Variants in CCHCR1 observed in about 807,000 individuals in gnomAD.
CCHCR1 encodes the protein coiled-coil alpha-helical rod protein 1, also known as HCR (a-helix coiled-coil rod homologue).
A neutral mutation model predicts 114.6 loss-of-function variants in CCHCR1; 91 were observed. The observed-to-expected ratio is 0.79, with a 90% CI of 0.67 to 0.94. The LOEUF is 0.94. Ranked by LOEUF, CCHCR1 falls within the 40% of genes least tolerant of loss-of-function variation. The pLI is 0.00. For synonymous variants in CCHCR1, 379 were observed against 428.5 expected, an observed-to-expected ratio of 0.88 and a Z score of 1.43; for missense variants, 899 against 1,079.9, an observed-to-expected ratio of 0.83 and a Z score of 2.35.
In CCHCR1 at chr6:31,150,021, C is replaced by A; in HGVS notation, c.1362+45G>T. 1 of 1,603,170 alleles carries A rather than the reference C, an allele frequency of 6.2e-7. No homozygotes were observed. The highest frequency in any genetic ancestry group is 8.5e-7 in the Non-Finnish European group (1 of 1,171,206). On this transcript the variant is annotated intron_variant, in intron 8 of 17. Coordinates refer to ENST00000396268, the MANE Select transcript of CCHCR1 (RefSeq NM_001105564.2). The surrounding 1 kb of genome is among the most constrained non-coding windows in gnomAD (Gnocchi z 5.3). ...ATGGATGCCACCTTCATGGAAGGAGCAAGGTGCTGGGAGGGAATACCGGGA... is the reference window on the plus strand; with the variant it reads ...ATGGATGCCACCTTCATGGAAGGAGAAAGGTGCTGGGAGGGAATACCGGGA...
In CCHCR1 at chr6:31,156,910, T is replaced by C; in HGVS notation, c.318A>G (p.Gln106=). 1.9e-6 allele frequency: 3 copies of C among 1,612,852 alleles called. No homozygotes were observed. The highest frequency in any genetic ancestry group is 1.1e-5 in the South Asian group (1 of 91,076). ...STGLIPPSHF[Q]ARPLSTLPRM... ...TTGGCAGAGTTGAAAGGGGCCGAGC[T>C]TGAAAGTGGGAGGGGGGAATCAGCC... Residue 106 remains glutamine (Q), a synonymous_variant, in exon 3 of 18, where the codon CAA becomes CAG. Coordinates refer to ENST00000396268, the MANE Select transcript of CCHCR1 (RefSeq NM_001105564.2).
Position 31,142,675 on chromosome 6 carries a change from C to T in CCHCR1, c.2533G>A (p.Glu845Lys). The T allele has an allele frequency of 1.9e-6, 3 of 1,613,214 alleles. No individual in the cohort carries two copies. Among genetic ancestry groups the T allele is most frequent in the Non-Finnish European group, 2.5e-6 (3 of 1,179,978 alleles). The stretch of plus-strand genomic sequence containing the variant: ...ACAGCTTCCTCTTTGGAAATGGCTT[C>T]ACTCAGGTCCTGCAGGTCATCGAGC... The part of the protein sequence containing the change: ...VLLDDLQDLS[E>K]AISKEEAVCQ... The change falls in exon 18 of 18, where the codon GAA becomes AAA. Residue 845 changes from glutamate to lysine, a missense_variant. Glu to Lys is a moderately conservative substitution (Grantham distance 56). Transcript: ENST00000396268.
intron 10 of CCHCR1, 95 bp from the exon 11 acceptor site, chr6:31,145,903 C>G: frequency 1.4e-6 from 1 of 740,580 alleles, no homozygotes; most frequent in South Asian, 1.5e-5. Context: ...AATCCTGTCC[C>G]ATTATACAAG....
intron 10 of CCHCR1, among the ~76,000 whole-genome samples, chr6:31,147,895 C>T (rs952916808): frequency 6.6e-6 from 1 of 152,030 alleles, no homozygotes; most frequent in African/African-American, 2.4e-5. Context: ...AGGAGAATCA[C>T]TTGAACCAGG....
Position 31,143,006 on chromosome 6 carries a change from A to T in CCHCR1, c.2448T>A (p.Ser816=). Residue 816 remains serine, a synonymous_variant, in exon 17 of 18, where the codon TCT becomes TCA. Coordinates refer to ENST00000396268, the MANE Select transcript of CCHCR1 (RefSeq NM_001105564.2). The surrounding 1 kb of genome is among the most constrained non-coding windows in gnomAD (Gnocchi z 5.3). ...TGGGCACTGCTGCTGCTACAGGTGC[A>T]GATGCTGAACACTCTGGAGGCCTGG... ...SSPRPPECSA[S]APVAAAVPTR... 1 of 1,613,072 alleles carries T rather than the reference A, an allele frequency of 6.2e-7. No individual in the cohort carries two copies. Among genetic ancestry groups the T allele is most frequent in the South Asian group, 1.1e-5 (1 of 91,088 alleles).
At chr6:31,147,342 G>A (rs1163505437) in intron 10 of CCHCR1, among the ~76,000 whole-genome samples, 3 of 149,440 alleles carry the variant, frequency 2.0e-5, no homozygotes, top group Non-Finnish European at 4.4e-5. Context: ...AGAGGTTGCA[G>A]TGAGCTGAGA....
chr6:31,150,887 C>T lies in CCHCR1; in HGVS notation c.966-27G>A. 1 of 1,611,614 alleles carries T rather than the reference C, an allele frequency of 6.2e-7. No individual in the cohort carries two copies. Among genetic ancestry groups the T allele is most frequent in the Non-Finnish European group, 8.5e-7 (1 of 1,179,224 alleles). ...TAGGGTTGGGGTGGGAATGGGACAG[C>T]CATCAGTGGGGCGCCCTGCAGATCC... On this transcript the variant is annotated intron_variant, in intron 5 of 17. Transcript: ENST00000396268. The surrounding 1 kb of genome is among the most constrained non-coding windows in gnomAD (Gnocchi z 5.3).
At position 31,145,046 on chromosome 6, in the gene CCHCR1, T is replaced by C. The variant is rs2073720; in HGVS notation, c.1904A>G (p.Lys635Arg). The C allele has an allele frequency of 0.012, 18,624 of 1,602,984 alleles. 572 individuals carry two copies. The highest frequency in any genetic ancestry group is 0.1 in the East Asian group (4,706 of 44,832). ...CTCCTGCTCCAGCTGCTGGGCCACCTTGCTCAGCTGCTGCCGCTCTGCCTC... is the reference window on the plus strand; with the variant it reads ...CTCCTGCTCCAGCTGCTGGGCCACCCTGCTCAGCTGCTGCCGCTCTGCCTC... Reference protein sequence around the residue: ...QGEAERQQLSKVAQQLEQELQ... With the variant: ...QGEAERQQLSRVAQQLEQELQ... Residue 635 changes from lysine to arginine, a missense_variant, in exon 14 of 18, where the codon AAG becomes AGG. Transcript: ENST00000396268.
rs756823571 is a variant in CCHCR1, at chr6:31,143,300, G to A, written c.2281C>T (p.Arg761Cys). Residue 761 changes from arginine (R) to cysteine (C), a missense_variant, in exon 16 of 18, where the codon CGC becomes TGC. Coordinates refer to ENST00000396268, the MANE Select transcript of CCHCR1 (RefSeq NM_001105564.2). The surrounding 1 kb of genome is among the most constrained non-coding windows in gnomAD (Gnocchi z 5.3). ...TTATCCCTCTCTAGCTCCTGCAAGCGCCGGGCCAGTCGCTGCCCCTCCTCC... is the reference window on the plus strand; with the variant it reads ...TTATCCCTCTCTAGCTCCTGCAAGCACCGGGCCAGTCGCTGCCCCTCCTCC... The part of the protein sequence containing the change: ...RKEEGQRLAR[R>C]LQELERDKNL... 2.0e-5 allele frequency: 33 copies of A among 1,612,540 alleles called. No individual in the cohort carries two copies. Among genetic ancestry groups the A allele is most frequent in the Middle Eastern group, 1.6e-4 (1 of 6,082 alleles).
At position 31,150,966 on chromosome 6, in the gene CCHCR1, G is replaced by A. The variant is rs948656870; in HGVS notation, c.958C>T (p.Gln320Ter). 7 of 1,612,662 alleles carry A rather than the reference G, an allele frequency of 4.3e-6. No individual in the cohort carries two copies. The African/African-American group carries it at 6.7e-5, about 15-fold the overall frequency. Residue 320 changes from glutamine to a stop codon, truncating the protein, a stop_gained, in exon 5 of 18, where the codon CAG (glutamine) becomes TAG (stop). Coordinates refer to ENST00000396268, the MANE Select transcript of CCHCR1 (RefSeq NM_001105564.2). LOFTEE classifies it high-confidence loss of function. The surrounding 1 kb of genome is among the most constrained non-coding windows in gnomAD (Gnocchi z 5.3). ...AQREAELLRK[Q>*]LSKTQEDLEA... ...CGGCGTCCGCCCACCTACCTCAGCTGCTTCCGAAGCAGCTCGGCCTCCCTC... is the reference window on the plus strand; with the variant it reads ...CGGCGTCCGCCCACCTACCTCAGCTACTTCCGAAGCAGCTCGGCCTCCCTC...
Position 31,144,836 on chromosome 6 carries a change from C to T in CCHCR1, c.2066-48G>A. 2 of 1,609,098 alleles carry T rather than the reference C, an allele frequency of 1.2e-6. No homozygotes were observed. Among genetic ancestry groups the T allele is most frequent in the Non-Finnish European group, 1.7e-6 (2 of 1,175,660 alleles). On this transcript the variant is annotated intron_variant, in intron 14 of 17. Transcript: ENST00000396268. The surrounding 1 kb of genome is among the most constrained non-coding windows in gnomAD (Gnocchi z 4.6). ...GCATATCAGCAGGAGCTTTGATTCG[C>T]AGTTCCCACCCCACCCTCCAAGGGA...
chr6:31,149,865 A>G (rs1415163469), intron 8 of CCHCR1, among the ~76,000 whole-genome samples: 2 of 152,188 alleles, frequency 1.3e-5, no homozygotes, highest in African/African-American at 2.4e-5. Context: ...TCTATCGCAC[A>G]TATAATTACC....
In CCHCR1 at chr6:31,148,617, C is replaced by T; in HGVS notation, c.1473+1G>A. ...CGAGTCTCTAGTAGGCTGACACCAA[C>T]CTTGGCACCCATACGCTCCACCTCC... is the stretch of plus-strand genomic sequence containing the variant. On this transcript the variant is annotated splice_donor_variant, in intron 9 of 17. Coordinates refer to ENST00000396268, the MANE Select transcript of CCHCR1 (RefSeq NM_001105564.2). LOFTEE classifies it high-confidence loss of function. The T allele has an allele frequency of 6.2e-7, 1 of 1,610,708 alleles. No homozygotes were observed. The highest frequency in any genetic ancestry group is 8.5e-7 in the Non-Finnish European group (1 of 1,177,848).
At chr6:31,147,806 A>C (rs1281363910) in intron 10 of CCHCR1, among the ~76,000 whole-genome samples, 1 of 152,054 alleles carries the variant, frequency 6.6e-6, no homozygotes, top group Non-Finnish European at 1.5e-5. Context: ...GTCCCTACTA[A>C]AAATGCAAAA....
In CCHCR1 at chr6:31,157,442, T is replaced by C; in HGVS notation, c.159A>G (p.Val53=). The stretch of plus-strand genomic sequence containing the variant: ...TCCTGGCCAGAGGTGAGAAAGGAGG[T>C]ACACAGTGCAGGGGTCTTGAGCGCC... ...WRWRSRPLHC[V]PPFSPLARSS... Residue 53 remains valine, a synonymous_variant, in exon 1 of 18, where the codon GTA becomes GTG. Transcript: ENST00000396268. 1 of 1,612,972 alleles carries C rather than the reference T, an allele frequency of 6.2e-7. No homozygotes were observed. The highest frequency in any genetic ancestry group is 8.5e-7 in the Non-Finnish European group (1 of 1,180,010).
At position 31,156,803 on chromosome 6, in the gene CCHCR1, G is replaced by A; in HGVS notation, c.425C>T (p.Thr142Ile). The change falls in exon 3 of 18, where the codon ACC (threonine) becomes ATC (isoleucine). Residue 142 changes from threonine to isoleucine, a missense_variant. Transcript: ENST00000396268. ...HQDVSERRLDTQRPQVTMWER... is the reference protein window; with the variant it reads ...HQDVSERRLDIQRPQVTMWER... ...CCACATGGTCACTTGAGGTCTCTGG[G>A]TGTCTAGCCGCCTCTCTGAGACATC... The A allele has an allele frequency of 2.5e-6, 4 of 1,612,858 alleles. No individual in the cohort carries two copies. Among genetic ancestry groups the A allele is most frequent in the Non-Finnish European group, 3.4e-6 (4 of 1,179,980 alleles).
rs541197251 is a variant in CCHCR1, at chr6:31,142,635, T to C, written c.2573A>G (p.Asn858Ser). The C allele has an allele frequency of 2.2e-5, 36 of 1,613,200 alleles. No individual in the cohort carries two copies. In the East Asian group the frequency reaches 6.0e-4, roughly 27 times the overall value. Residue 858 changes from asparagine (N) to serine (S), a missense_variant, in exon 18 of 18, where the codon AAC (asparagine) becomes AGC (serine). Coordinates refer to ENST00000396268, the MANE Select transcript of CCHCR1 (RefSeq NM_001105564.2). Reference sequence around the variant, plus strand: ...ATTGGAGCTGGAGCATCTGTCAAGGTTGTCTCCTTGACAAACAGCTTCCTC... The same window carrying C: ...ATTGGAGCTGGAGCATCTGTCAAGGCTGTCTCCTTGACAAACAGCTTCCTC... ...SKEEAVCQGD[N>S]LDRCSSSNPQ... is the part of the protein sequence containing the mutation.
At position 31,144,900 on chromosome 6, in the gene CCHCR1, C is replaced by T. The variant is rs748123638; in HGVS notation, c.2050G>A (p.Glu684Lys). ...CTCTCGACACCTTGCCCGTAGAGTTCCTGCTGCTGGGTCAGCTCCTGCCGC... is the reference window on the plus strand; with the variant it reads ...CTCTCGACACCTTGCCCGTAGAGTTTCTGCTGCTGGGTCAGCTCCTGCCGC... ...SLRQELTQQQ[E>K]LYGQALQEKV... Residue 684 changes from glutamate (E) to lysine (K), a missense_variant, in exon 14 of 18, where the codon GAA becomes AAA. Coordinates refer to ENST00000396268, the MANE Select transcript of CCHCR1 (RefSeq NM_001105564.2). The surrounding 1 kb of genome is among the most constrained non-coding windows in gnomAD (Gnocchi z 4.6). 1.2e-6 allele frequency: 2 copies of T among 1,613,594 alleles called. No individual in the cohort carries two copies. Among genetic ancestry groups the T allele is most frequent in the Non-Finnish European group, 1.7e-6 (2 of 1,179,950 alleles).
Position 31,150,748 on chromosome 6 carries a change from G to A in CCHCR1, c.1078C>T (p.Gln360Ter). 1 of 1,612,924 alleles carries A rather than the reference G, an allele frequency of 6.2e-7. No individual in the cohort carries two copies. The highest frequency in any genetic ancestry group is 1.1e-5 in the South Asian group (1 of 91,082). The part of the protein sequence containing the change: ...VHSQTWELER[Q>*]KLLETMQHLQ... ...ACCTGCATGGTTTCCAGAAGCTTCT[G>A]TCGCTCCAGTTCCCATGTCTGGCTG... The change falls in exon 6 of 18, where the codon CAG (glutamine) becomes TAG (stop). Residue 360 changes from glutamine to a stop codon, truncating the protein, a stop_gained. Transcript: ENST00000396268. LOFTEE classifies it high-confidence loss of function. This position sits in a 1 kb window ranked among gnomAD's most constrained non-coding sequence, Gnocchi z 5.3.
Sources: allele counts gnomAD v4.1 joint callset (sites outside exome capture counted in the v4.1 genomes callset), GRCh38; gene constraint gnomAD v4.1.1; non-coding constraint Gnocchi (gnomAD v3.1); transcripts MANE v1.5; gene names NCBI Gene and HGNC (gene_info 2026-07-23, HGNC 2026-07-21).